CDKAL1: variants seen among roughly 807,000 people sequenced by gnomAD.
CDKAL1 encodes the protein threonylcarbamoyladenosine tRNA methylthiotransferase.
CDKAL1 carries 32 observed loss-of-function variants against 68.2 expected under a neutral mutation model. The ratio of observed to expected loss-of-function variants is 0.47; its 90% CI spans 0.35 to 0.63. CDKAL1 has a LOEUF of 0.63. CDKAL1 is among the 30% of genes least tolerant of loss of function. The pLI, the probability that CDKAL1 is intolerant of heterozygous loss-of-function variation, is 0.00. For missense variants in CDKAL1, 606 were observed against 696.7 expected, an observed-to-expected ratio of 0.87 and a Z score of 1.47; for synonymous variants, 234 against 244.3, an observed-to-expected ratio of 0.96 and a Z score of 0.39.
intron 4 of CDKAL1, among the ~76,000 whole-genome samples, chr6:20,609,288 T>TCTTCTCCTTCTC (rs1370923487): frequency 1.4e-5 from 2 of 144,830 alleles, no homozygotes; most frequent in African/African-American, 2.7e-5. Flanking sequence ...TCCTTCTCCT[T>TCTTCTCCTTCTC]CTTCTCCTTC....
intron 5 of CDKAL1, among the ~76,000 whole-genome samples, chr6:20,661,952 A>G (rs1769303295): frequency 6.6e-6 from 1 of 152,166 alleles, no homozygotes; most frequent in South Asian, 2.1e-4. Flanking sequence ...GCATGCAGAA[A>G]CTTGCTTTAG....
intron 5 of CDKAL1, among the ~76,000 whole-genome samples, chr6:20,663,458 CTCTTA>C (rs1769384081): frequency 6.6e-6 from 1 of 152,060 alleles, no homozygotes; most frequent in South Asian, 2.1e-4. Context: ...CTCTTTTCTC[CTCTTA>C]TCTTTATTCA....
rs9350322 is a variant in CDKAL1, at chr6:21,136,985, T to C, written c.1299+28522T>C. Among the ~76,000 whole-genome samples the C allele has an allele frequency of 0.029, 4,382 of 152,246 alleles. 366 individuals carry two copies. The East Asian group carries it at 0.33, about 11-fold the overall frequency. ...TCTTCCCAAAGGCCTCCAAGGTTAT[T>C]GACAGCCCCGACCAGCGTCTACCAT... On this transcript the variant is annotated intron_variant, in intron 13 of 15. Transcript: ENST00000274695.
chr6:20,558,590 C>A (rs1307612291), intron 4 of CDKAL1: 3 of 456,560 alleles, frequency 6.6e-6, no homozygotes, highest in South Asian at 4.6e-5. Context: ...AATGGCTAGC[C>A]TGGGCCAGGA....
intron 4 of CDKAL1, among the ~76,000 whole-genome samples, chr6:20,565,487 G>C (rs1764427298): frequency 6.6e-6 from 1 of 152,050 alleles, no homozygotes; most frequent in Non-Finnish European, 1.5e-5. Context: ...ATATAGCTTG[G>C]GGGAAGTGAA....
chr6:20,885,895 C>T (rs1761043091), intron 9 of CDKAL1, among the ~76,000 whole-genome samples: 1 of 151,994 alleles, frequency 6.6e-6, no homozygotes, highest in Non-Finnish European at 1.5e-5. Flanking sequence ...CCAGCTTGGC[C>T]AATATGGTGA....
At chr6:20,919,966 G>A (rs1762877762) in intron 9 of CDKAL1, among the ~76,000 whole-genome samples, 1 of 152,138 alleles carries the variant, frequency 6.6e-6, no homozygotes, top group African/African-American at 2.4e-5. Context: ...GGCTCTTAGG[G>A]GTGGTCGTGT....
intron 12 of CDKAL1, among the ~76,000 whole-genome samples, chr6:21,087,342 T>G (rs950744952): frequency 6.6e-6 from 1 of 152,132 alleles, no homozygotes; most frequent in Non-Finnish European, 1.5e-5. Flanking sequence ...AAGTCTTTGT[T>G]TTTTTTGGAG....
intron 5 of CDKAL1, among the ~76,000 whole-genome samples, chr6:20,692,060 G>C (rs1306244201): frequency 6.6e-6 from 1 of 152,124 alleles, no homozygotes; most frequent in Non-Finnish European, 1.5e-5. Context: ...TGTTGTATAG[G>C]CATGGCAGCT....
intron 12 of CDKAL1, among the ~76,000 whole-genome samples, chr6:21,084,807 G>A (rs549672399): frequency 3.9e-5 from 6 of 152,228 alleles, no homozygotes; most frequent in East Asian, 1.9e-4. Context: ...CCCTGGGGCC[G>A]TTACAAAGTT....
At chr6:20,694,684 G>A (rs1287114963) in intron 5 of CDKAL1, among the ~76,000 whole-genome samples, 1 of 152,176 alleles carries the variant, frequency 6.6e-6, no homozygotes, top group East Asian at 1.9e-4. Context: ...CTTTGTCACT[G>A]CTTTCCCCCT....
intron 10 of CDKAL1, among the ~76,000 whole-genome samples, chr6:20,999,663 T>TAAAAAAAAAA (rs36078234): frequency 2.8e-3 from 258 of 92,850 alleles, no homozygotes; most frequent in East Asian, 4.4e-3. Flanking sequence ...TGACTGAAAT[T>TAAAAAAAAAA]AAAAAAAAAA....
chr6:20,954,275 A>G (rs978610429), intron 9 of CDKAL1, among the ~76,000 whole-genome samples: 2 of 152,212 alleles, frequency 1.3e-5, no homozygotes, highest in Admixed American at 6.5e-5. Flanking sequence ...CCACGTTCAC[A>G]TAAAAGCCAT....
intron 10 of CDKAL1, among the ~76,000 whole-genome samples, chr6:20,979,772 CTT>C (rs58698004): frequency 0.1 from 13,821 of 131,700 alleles, 693 homozygotes; most frequent in Middle Eastern, 0.19. Flanking sequence ...TTCATAGTAT[CTT>C]TTTTTTTTTT....
At chr6:20,708,642 T>C (rs1771710444) in intron 5 of CDKAL1, among the ~76,000 whole-genome samples, 1 of 152,246 alleles carries the variant, frequency 6.6e-6, no homozygotes, top group Admixed American at 6.5e-5. Context: ...ACATCCCATC[T>C]GTCCTAGTCA....
chr6:20,954,754 A>G (rs190981562), intron 9 of CDKAL1, among the ~76,000 whole-genome samples: 1 of 152,336 alleles, frequency 6.6e-6, no homozygotes, highest in East Asian at 1.9e-4. Flanking sequence ...AATAACGACA[A>G]GAATATATAT....
chr6:20,648,439 C>T (rs959540037), intron 4 of CDKAL1, among the ~76,000 whole-genome samples: 2 of 148,396 alleles, frequency 1.3e-5, no homozygotes, highest in African/African-American at 5.0e-5. Flanking sequence ...AATTTTTTGG[C>T]GTGTGTGCCA....
chr6:20,724,568 A>G (rs1006399265), intron 5 of CDKAL1, among the ~76,000 whole-genome samples: 3 of 152,086 alleles, frequency 2.0e-5, no homozygotes. Context: ...AAAGAAAAAA[A>G]AAGCTGAGAG....
At chr6:20,548,442 A>G (rs1023531095) in intron 3 of CDKAL1, 151 bp from the exon 4 acceptor site, 3 of 601,788 alleles carry the variant, frequency 5.0e-6, no homozygotes, top group Non-Finnish European at 5.9e-6. Context: ...CTGAGATGGG[A>G]GGATCCCTTA....
Sources: gnomAD v4.1 joint callset for allele counts (sites outside exome capture counted in the v4.1 genomes callset) on GRCh38, gnomAD v4.1.1 for gene constraint, MANE v1.5 for transcripts, NCBI Gene and HGNC (gene_info 2026-07-23, HGNC 2026-07-21) for gene names.